PAX7: variants seen among roughly 807,000 people sequenced by gnomAD.
The protein encoded by PAX7 is paired box protein Pax-7.
A neutral mutation model predicts 50.7 loss-of-function variants in PAX7; 18 were observed. The ratio of observed to expected loss-of-function variants is 0.36; its 90% CI spans 0.25 to 0.53. The LOEUF is 0.53. Among genes scored for constraint, PAX7 ranks in the 20% least tolerant of loss-of-function variants. The pLI is 0.93. For missense variants in PAX7, 644 were observed against 702.9 expected (o/e 0.92, Z 0.95); for synonymous variants, 310 against 290.4 (o/e 1.07, Z -0.69).
rs779728061 is a variant in PAX7 at position 18,634,540 on chromosome 1, T to C, written c.321+2T>C. On this transcript the variant is annotated splice_donor_variant, in intron 2 of 8. Coordinates refer to ENST00000420770, the MANE Select transcript of PAX7 (RefSeq NM_001135254.2). LOFTEE classifies it high-confidence loss of function. This position sits in a 1 kb window ranked among gnomAD's most constrained non-coding sequence, Gnocchi z 4.0. ...GCCATCGGCGGCAGCAAGCCCAGAG[T>C]GAGTGTCTTTGCCACAGAGGCTGGC... 1 of 1,612,860 alleles carries C rather than the reference T, an allele frequency of 6.2e-7. No homozygotes were observed. The highest frequency in any genetic ancestry group is 8.5e-7 in the Non-Finnish European group (1 of 1,179,370).
chr1:18,725,983 TGTGTGTGTGTGC>T (rs1477732061), intron 7 of PAX7, among the ~76,000 whole-genome samples: 2 of 143,754 alleles, frequency 1.4e-5, no homozygotes, highest in African/African-American at 2.6e-5. Context: ...TGGAAGAGTG[TGTGTGTGTGTGC>T]GCGCGCGCGC....
chr1:18,742,127 G>A (rs1168160964), intron 8 of PAX7, among the ~76,000 whole-genome samples: 1 of 147,332 alleles, frequency 6.8e-6, no homozygotes, highest in Non-Finnish European at 1.5e-5. Context: ...TATTCCGACT[G>A]TCCCTCTAAG....
chr1:18,746,600 CA>C lies in PAX7; in HGVS notation c.*1674del, dbSNP rs2100424708. On this transcript the variant is annotated 3_prime_UTR_variant, in exon 9 of 9. Coordinates refer to ENST00000420770, the MANE Select transcript of PAX7 (RefSeq NM_001135254.2). ...AGCACTGAATTCACAAACATTGGAC[CA>C]AACTGTTTGTCCCCATCTGGGTTCA... 4.3e-6 allele frequency: 1 copy of C among 231,376 alleles called. No individual in the cohort carries two copies. Among genetic ancestry groups the C allele is most frequent in the African/African-American group, 2.2e-5 (1 of 45,362 alleles). The allele number at this position is 231,376 out of a possible 1,614,324, so 14.3% of individuals were successfully genotyped here. A position where few individuals can be genotyped will look rare whatever the true frequency, so the allele number is the denominator to read the frequency against.
At chr1:18,704,530 G>A (rs1353071924) in intron 7 of PAX7, among the ~76,000 whole-genome samples, 5 of 152,174 alleles carry the variant, frequency 3.3e-5, no homozygotes, top group Admixed American at 3.3e-4. Flanking sequence ...TGAGGCGAGA[G>A]AATCGCTTGA....
intron 4 of PAX7, among the ~76,000 whole-genome samples, chr1:18,689,290 T>C (rs2089033171): frequency 6.6e-6 from 1 of 152,190 alleles, no homozygotes; most frequent in Admixed American, 6.5e-5. Flanking sequence ...ATTGAATCCT[T>C]GGCATTAGTT....
chr1:18,641,686 G>A (rs1356692885), intron 4 of PAX7, among the ~76,000 whole-genome samples: 1 of 152,084 alleles, frequency 6.6e-6, no homozygotes, highest in African/African-American at 2.4e-5. Context: ...AGAGAGAAGA[G>A]AGACATTGAA....
chr1:18,647,975 C>T (rs1049451660), intron 4 of PAX7, among the ~76,000 whole-genome samples: 4 of 152,310 alleles, frequency 2.6e-5, no homozygotes, highest in East Asian at 1.9e-4. Context: ...AAGGTAGAAA[C>T]GCACAGAGCC....
At chr1:18,650,439 A>T (rs540769750) in intron 4 of PAX7, among the ~76,000 whole-genome samples, 4 of 152,200 alleles carry the variant, frequency 2.6e-5, no homozygotes, top group Non-Finnish European at 5.9e-5. Context: ...TTGCAATGCC[A>T]TCCTGGGATG....
rs12402156 is a variant in PAX7 at position 18,679,176 on chromosome 1, A to G, written c.587-12578A>G. Among the ~76,000 whole-genome samples, 2,108 of 152,328 alleles carry G rather than the reference A, an allele frequency of 0.014. 114 individuals are homozygous for G. In the East Asian group the frequency reaches 0.18, roughly 13 times the overall value. On this transcript the variant is annotated intron_variant, in intron 4 of 8. Transcript: ENST00000420770. ...GTTCACAGAGCCCCATCTTCAGGGT[A>G]GAGTGAGCCCCAGGTTTAAGTCCTT...
At chr1:18,680,325 G>C (rs1416867789) in intron 4 of PAX7, among the ~76,000 whole-genome samples, 1 of 152,164 alleles carries the variant, frequency 6.6e-6, no homozygotes, top group Non-Finnish European at 1.5e-5. Context: ...GCAGGTCATG[G>C]ATGAGCCCAG....
intron 4 of PAX7, among the ~76,000 whole-genome samples, chr1:18,685,152 A>G (rs142987909): frequency 6.6e-6 from 1 of 152,264 alleles, no homozygotes; most frequent in African/African-American, 2.4e-5. Context: ...TCCTGGGTTT[A>G]CTTTGCAGCC....
chr1:18,729,912 G>A (rs1242219425), intron 7 of PAX7, among the ~76,000 whole-genome samples: 3 of 152,176 alleles, frequency 2.0e-5, no homozygotes, highest in African/African-American at 7.2e-5. Flanking sequence ...AACCCACTGG[G>A]TGTTGGCCCC....
rs2088865070 is a variant in PAX7, at chr1:18,679,294, C to T, written c.587-12460C>T. ...TCTCCACCTCCAAACAACTTTCCAACTGGACACAGCCCCTGTGTCTCCCAG... is the reference window on the plus strand; with the variant it reads ...TCTCCACCTCCAAACAACTTTCCAATTGGACACAGCCCCTGTGTCTCCCAG... On this transcript the variant is annotated intron_variant, in intron 4 of 8. Transcript: ENST00000420770. Among the ~76,000 whole-genome samples, 4 of 152,214 alleles carry T rather than the reference C, an allele frequency of 2.6e-5. No homozygotes were observed. In the South Asian group the frequency reaches 6.2e-4, roughly 24 times the overall value.
chr1:18,656,704 G>A (rs1318544120), intron 4 of PAX7, among the ~76,000 whole-genome samples: 1 of 151,414 alleles, frequency 6.6e-6, no homozygotes, highest in Non-Finnish European at 1.5e-5. Context: ...AAAAAGGGGG[G>A]GATAATGAGG....
intron 6 of PAX7, among the ~76,000 whole-genome samples, chr1:18,701,364 ATGAG>A (rs1022657701): frequency 1.3e-5 from 2 of 150,562 alleles, no homozygotes; most frequent in Admixed American, 6.6e-5. Flanking sequence ...GTGTGTGCGT[ATGAG>A]TGAGTGAATG....
At chr1:18,682,205 G>C (rs1450368961) in intron 4 of PAX7, among the ~76,000 whole-genome samples, 1 of 152,126 alleles carries the variant, frequency 6.6e-6, no homozygotes, top group Non-Finnish European at 1.5e-5. Context: ...TGAACCTGTG[G>C]GGGTCTCTCA....
Position 18,725,677 on chromosome 1 carries a change from T to C in PAX7, c.1156-9955T>C, listed in dbSNP as rs2089556006. Among the ~76,000 whole-genome samples the C allele has an allele frequency of 2.6e-5, 4 of 152,216 alleles. No individual in the cohort carries two copies. The South Asian group carries it at 8.3e-4, about 32-fold the overall frequency. On this transcript the variant is annotated intron_variant, in intron 7 of 8. Coordinates refer to ENST00000420770, the MANE Select transcript of PAX7 (RefSeq NM_001135254.2). The stretch of plus-strand genomic sequence containing the variant: ...ATCATTATCTTTAAATAGTCATATC[T>C]TTTCCAGCGATCGGCCCCTTCCCCC...
chr1:18,736,464 C>CAAAA (rs35410898), intron 8 of PAX7, among the ~76,000 whole-genome samples: 19 of 117,654 alleles, frequency 1.6e-4, no homozygotes, highest in African/African-American at 5.7e-4. Context: ...GACTCTGTCT[C>CAAAA]AAAAAAAAAA....
At chr1:18,640,736 TG>T (rs963983789) in intron 4 of PAX7, among the ~76,000 whole-genome samples, 5 of 149,940 alleles carry the variant, frequency 3.3e-5, no homozygotes, top group Admixed American at 6.7e-5. Context: ...CGGAGGAAGA[TG>T]GGAGGGTGTC....
Sources: allele counts gnomAD v4.1 joint callset (sites outside exome capture counted in the v4.1 genomes callset), GRCh38; gene constraint gnomAD v4.1.1; non-coding constraint Gnocchi (gnomAD v3.1); transcripts MANE v1.5; gene names NCBI Gene and HGNC (gene_info 2026-07-23, HGNC 2026-07-21).